RB1: variants seen among roughly 807,000 people sequenced by gnomAD.
RB1 encodes retinoblastoma-associated protein.
In RB1, 18 loss-of-function variants were observed where a neutral mutation model predicts 135.4. That is an observed-to-expected ratio of 0.13 (90% CI 0.09 to 0.20). RB1 has a LOEUF of 0.20. RB1 is among the 10% of genes least tolerant of loss of function. The pLI, the probability that RB1 is intolerant of heterozygous loss-of-function variation, is 1.00. For missense variants in RB1, 868 were observed against 1,110.0 expected (o/e 0.78, Z 3.10); for synonymous variants, 365 against 373.2 (o/e 0.98, Z 0.25).
chr13:48,441,661 C>T (rs1949237920), intron 17 of RB1, among the ~76,000 whole-genome samples: 1 of 152,040 alleles, frequency 6.6e-6, no homozygotes, highest in South Asian at 2.1e-4. Context: ...GAAAATAAAA[C>T]TATACTGTGT....
rs564780653 is a variant in RB1, at chr13:48,373,433, A to G, written c.1156A>G (p.Met386Val). The G allele has an allele frequency of 2.3e-5, 37 of 1,597,940 alleles. No individual in the cohort carries two copies. The African/African-American group carries it at 4.2e-4, about 18-fold the overall frequency. The change falls in exon 12 of 27, where the codon ATG (methionine) becomes GTG (valine). Residue 386 changes from methionine to valine, a missense_variant. By Grantham distance (21) the Met-to-Val change is conservative. This residue lies in a region of RB1 where 641 missense variants were observed against 791.3 expected (regional missense o/e 0.81). Coordinates refer to ENST00000267163, the MANE Select transcript of RB1 (RefSeq NM_000321.3). ...TGTTATGAACACTATCCAACAATTAATGATGATTTTAAATTCAGCAAGTGA... is the reference window on the plus strand; with the variant it reads ...TGTTATGAACACTATCCAACAATTAGTGATGATTTTAAATTCAGCAAGTGA... Reference protein sequence around the residue: ...RTVMNTIQQLMMILNSASDQP... With the variant: ...RTVMNTIQQLVMILNSASDQP...
At chr13:48,391,105 A>G (rs1023842517) in intron 17 of RB1, among the ~76,000 whole-genome samples, 5 of 151,938 alleles carry the variant, frequency 3.3e-5, no homozygotes, top group Non-Finnish European at 7.4e-5. Flanking sequence ...TTGTAGGCTT[A>G]CTGTCTATAC....
chr13:48,379,275 C>T (rs75449016), intron 13 of RB1, among the ~76,000 whole-genome samples: 68 of 152,266 alleles, frequency 4.5e-4, no homozygotes, highest in African/African-American at 1.6e-3. Context: ...GAATGTTAAT[C>T]ACCACTTAAT....
chr13:48,388,258 T>G (rs1948585301), intron 17 of RB1, among the ~76,000 whole-genome samples: 1 of 152,178 alleles, frequency 6.6e-6, no homozygotes, highest in South Asian at 2.1e-4. Context: ...CTTGTATAAC[T>G]TAAGTGGATA....
intron 11 of RB1, among the ~76,000 whole-genome samples, chr13:48,372,630 G>A (rs1188649537): frequency 2.7e-5 from 4 of 150,656 alleles, no homozygotes; most frequent in East Asian, 1.9e-4. Flanking sequence ...CAGCCTGGGC[G>A]ACAGAGCAAG....
rs542185337 is a variant in RB1 at position 48,437,900 on chromosome 13, G to A, written c.1696-15093G>A. 3.3e-5 allele frequency among the ~76,000 whole-genome samples: 5 copies of A among 152,222 alleles called. No individual in the cohort carries two copies. In the East Asian group the frequency reaches 9.6e-4, roughly 29 times the overall value. ...ATTATTGGGGTGATCTTGGAGGCTG[G>A]CTGCCATAGTTATGACTTAGTGTCA... On this transcript the variant is annotated intron_variant, in intron 17 of 26. Coordinates refer to ENST00000267163, the MANE Select transcript of RB1 (RefSeq NM_000321.3).
At position 48,318,415 on chromosome 13, in the gene RB1, C is replaced by T. The variant is rs183904799; in HGVS notation, c.264+11009C>T. 15 of 1,496,414 alleles carry T rather than the reference C, an allele frequency of 1.0e-5. No homozygotes were observed. The African/African-American group carries it at 1.5e-4, about 15-fold the overall frequency. The allele number at this position is 1,496,414 out of a possible 1,614,324, so 92.7% of individuals were successfully genotyped here. On this transcript the variant is annotated intron_variant, in intron 2 of 26. Transcript: ENST00000267163. The stretch of plus-strand genomic sequence containing the variant: ...TCCTTGATGGCCGTGTCCAGGTCCT[C>T]GTCACTGTCCAGGGAGCTGCTCTTG...
chr13:48,347,709 A>AT, intron 4 of RB1, 116 bp from the exon 5 acceptor site: 1 of 692,120 alleles, frequency 1.4e-6, no homozygotes, highest in Non-Finnish European at 2.5e-6. Context: ...AATGCTATAT[A>AT]TTTTTTGTTT....
At chr13:48,477,425 G>A (rs373662725) in intron 26 of RB1, 21 bp downstream of exon 26, 14 of 1,575,054 alleles carry the variant, frequency 8.9e-6, no homozygotes, top group African/African-American at 2.7e-5. Flanking sequence ...TTTTCACCTT[G>A]TGTAAATGAA....
At chr13:48,323,291 C>A (rs893936422) in intron 2 of RB1, among the ~76,000 whole-genome samples, 10 of 151,956 alleles carry the variant, frequency 6.6e-5, no homozygotes, top group Admixed American at 6.5e-4. Flanking sequence ...ATCTAAGTTA[C>A]CTAGTTCATT....
chr13:48,380,868 C>T (rs1206991618), intron 16 of RB1, among the ~76,000 whole-genome samples: 1 of 151,964 alleles, frequency 6.6e-6, no homozygotes, highest in Non-Finnish European at 1.5e-5. Flanking sequence ...AATGAGATAC[C>T]ATTTTGTAAC....
chr13:48,405,188 A>G lies in RB1; in HGVS notation c.1695+23745A>G, dbSNP rs141409750. On this transcript the variant is annotated intron_variant, in intron 17 of 26. Transcript: ENST00000267163. ...AACAAGCCCAGAAAATGTTTGTTCCACATGAGAAATCAGATAGTTTCATAA... is the reference window on the plus strand; with the variant it reads ...AACAAGCCCAGAAAATGTTTGTTCCGCATGAGAAATCAGATAGTTTCATAA... Among the ~76,000 whole-genome samples, 846 of 152,366 alleles carry G rather than the reference A, an allele frequency of 5.6e-3. 5 individuals are homozygous for G. The highest frequency in any genetic ancestry group is 0.01 in the Middle Eastern group (3 of 294).
intron 17 of RB1, among the ~76,000 whole-genome samples, chr13:48,452,629 G>T (rs1262228752): frequency 2.6e-5 from 4 of 151,610 alleles, no homozygotes; most frequent in Admixed American, 2.6e-4. Context: ...ATCCATTTTT[G>T]GCTTTGTTGA....
intron 17 of RB1, among the ~76,000 whole-genome samples, chr13:48,394,240 A>G (rs1227001624): frequency 6.6e-6 from 1 of 152,180 alleles, no homozygotes; most frequent in Non-Finnish European, 1.5e-5. Context: ...TGCTTTTCCC[A>G]CAGTCTTCGC....
At chr13:48,376,004 TCATAATATGAA>T (rs1371716833) in intron 12 of RB1, among the ~76,000 whole-genome samples, 1 of 151,854 alleles carries the variant, frequency 6.6e-6, no homozygotes, top group Non-Finnish European at 1.5e-5. Context: ...TTTTTATATA[TCATAATATGAA>T]TTATATAATA....
At chr13:48,311,063 C>G (rs908061620) in intron 2 of RB1, among the ~76,000 whole-genome samples, 3 of 152,056 alleles carry the variant, frequency 2.0e-5, no homozygotes, top group Non-Finnish European at 4.4e-5. Context: ...TGGAAAATGC[C>G]TTGGACCTCA....
At chr13:48,444,608 G>T (rs1351854199) in intron 17 of RB1, 1 of 152,324 alleles carries the variant, frequency 6.6e-6, no homozygotes. Flanking sequence ...CGTAGGGTGA[G>T]GTATGGGAGC....
In RB1 at chr13:48,464,068, AT is replaced by A. The variant is rs543850222; in HGVS notation, c.2211+234del. Among the ~76,000 whole-genome samples, 250 of 152,322 alleles carry A rather than the reference AT, an allele frequency of 1.6e-3. 2 individuals are homozygous for A. Among genetic ancestry groups the A allele is most frequent in the Non-Finnish European group, 3.1e-3 (213 of 68,004 alleles). ...TCATAGTTTTTTATAAAGTTAATAA[AT>A]AATATTTTATCCCTGTAATAAGCAG... On this transcript the variant is annotated intron_variant, in intron 21 of 26. Transcript: ENST00000267163.
In RB1 at chr13:48,303,987, G is replaced by GCCGCCC. The variant is rs1555279223; in HGVS notation, c.78_83dup (p.Pro28_Pro29dup). The GCCGCCC allele has an allele frequency of 6.7e-7, 1 of 1,498,754 alleles. No individual in the cohort carries two copies. Among genetic ancestry groups the GCCGCCC allele is most frequent in the Admixed American group, 2.2e-5 (1 of 46,078 alleles). 92.8% of individuals were successfully genotyped at this position (1,498,754 alleles called of 1,614,324 possible). ...CCGCGGAACCCCCGGCACCGCCGCC[G>GCCGCCC]CCGCCCCCTCCTGAGGAGGACCCAG... On this transcript the variant is annotated inframe_insertion, in exon 1 of 27. Transcript: ENST00000267163.
Sources: allele counts gnomAD v4.1 joint callset (sites outside exome capture counted in the v4.1 genomes callset), GRCh38; gene constraint gnomAD v4.1.1; regional missense constraint gnomAD v4.1.1; transcripts MANE v1.5; gene names NCBI Gene and HGNC (gene_info 2026-07-23, HGNC 2026-07-21).